GATAD2A: variants seen among roughly 807,000 people sequenced by gnomAD.
GATAD2A encodes the protein transcriptional repressor p66-alpha.
GATAD2A carries 12 observed loss-of-function variants against 68.5 expected under a neutral mutation model. The ratio of observed to expected loss-of-function variants is 0.18; its 90% CI spans 0.11 to 0.28. GATAD2A has a LOEUF of 0.28. Ranked by LOEUF, GATAD2A falls within the 10% of genes least tolerant of loss-of-function variation. GATAD2A has a pLI of 1.00. For synonymous variants in GATAD2A, 410 were observed against 375.3 expected, an observed-to-expected ratio of 1.09 and a Z score of -1.07; for missense variants, 755 against 868.5, an observed-to-expected ratio of 0.87 and a Z score of 1.64.
intron 1 of GATAD2A, among the ~76,000 whole-genome samples, chr19:19,416,622 A>T (rs2147196243): frequency 6.6e-6 from 1 of 152,310 alleles, no homozygotes; most frequent in African/African-American, 2.4e-5. Context: ...TTTAAGATGA[A>T]GGGAGCTGCT....
At chr19:19,475,306 C>T (rs895299023) in intron 2 of GATAD2A, among the ~76,000 whole-genome samples, 1 of 152,264 alleles carries the variant, frequency 6.6e-6, no homozygotes, top group Non-Finnish European at 1.5e-5. Context: ...ACACTGGCTG[C>T]CTCCTACAGC....
chr19:19,440,911 C>CCTTCCTTCCCTTTCCTTCCTTTT (rs775426491), intron 1 of GATAD2A, among the ~76,000 whole-genome samples: 2 of 138,544 alleles, frequency 1.4e-5, no homozygotes, highest in East Asian at 2.0e-4. Flanking sequence ...CCCTTCCTTT[C>CCTTCCTTCCCTTTCCTTCCTTTT]CTTCCTTCCC....
intron 1 of GATAD2A, among the ~76,000 whole-genome samples, chr19:19,444,512 A>T (rs559687198): frequency 1.3e-5 from 2 of 152,322 alleles, no homozygotes; most frequent in South Asian, 4.1e-4. Context: ...AAACTTAAGC[A>T]GGTATTTGGA....
chr19:19,432,141 A>G (rs773833727), intron 1 of GATAD2A, among the ~76,000 whole-genome samples: 1 of 151,386 alleles, frequency 6.6e-6, no homozygotes, highest in African/African-American at 2.4e-5. Flanking sequence ...ACGGTTGGCT[A>G]ATTTTGTATT....
rs1434407791 is a variant in GATAD2A at position 19,405,903 on chromosome 19, C to G, written c.-123C>G. 1 of 145,918 alleles carries G rather than the reference C, an allele frequency of 6.9e-6. No homozygotes were observed. Among genetic ancestry groups the G allele is most frequent in the African/African-American group, 2.5e-5 (1 of 40,636 alleles). The allele number at this position is 145,918 out of a possible 1,614,324, so 9.0% of individuals were successfully genotyped here. A position where few individuals can be genotyped will look rare whatever the true frequency, so the allele number is the denominator to read the frequency against. ...GGCCCGGGCGGCCCCACAGGCGGAACGAGCGCGCGCGGCCCGGCGTCCCCG... is the reference window on the plus strand; with the variant it reads ...GGCCCGGGCGGCCCCACAGGCGGAAGGAGCGCGCGCGGCCCGGCGTCCCCG... On this transcript the variant is annotated 5_prime_UTR_variant, in exon 1 of 12. Coordinates refer to ENST00000683918, the MANE Select transcript of GATAD2A (RefSeq NM_001384528.1).
intron 1 of GATAD2A, among the ~76,000 whole-genome samples, chr19:19,411,527 C>A (rs771349378): frequency 1.3e-5 from 2 of 152,172 alleles, no homozygotes; most frequent in Non-Finnish European, 2.9e-5. Context: ...CTGGGAGCGC[C>A]AGGGTGAATC....
Position 19,495,634 on chromosome 19 carries a change from T to TAAAA in GATAD2A, c.625-102_625-99dup, listed in dbSNP as rs3067692. On this transcript the variant is annotated intron_variant, in intron 5 of 11. Coordinates refer to ENST00000683918, the MANE Select transcript of GATAD2A (RefSeq NM_001384528.1). ...AATTTTCTTTAACTTCTCTGCTACT[T>TAAAA]AAAAAAAAAAAAAAAAAAAAACTAG... 8.5e-3 allele frequency: 4,623 copies of TAAAA among 544,498 alleles called. 4 individuals are homozygous for TAAAA. The highest frequency in any genetic ancestry group is 0.023 in the South Asian group (663 of 29,184). 33.7% of individuals were successfully genotyped at this position (544,498 alleles called of 1,614,324 possible). A position where few individuals can be genotyped will look rare whatever the true frequency, so the allele number is the denominator to read the frequency against.
At chr19:19,415,717 A>G (rs1351492140) in intron 1 of GATAD2A, among the ~76,000 whole-genome samples, 3 of 148,914 alleles carry the variant, frequency 2.0e-5, no homozygotes, top group Non-Finnish European at 3.0e-5. Context: ...TCCTCGGTTC[A>G]AGCAATTCTC....
chr19:19,394,976 T>C (rs888938209), intron 1 of GATAD2A, among the ~76,000 whole-genome samples: 23 of 152,272 alleles, frequency 1.5e-4, no homozygotes, highest in African/African-American at 5.3e-4. Flanking sequence ...ACCCAAGTTC[T>C]GACTCTGGAG....
At chr19:19,397,245 G>T (rs2049325757) in intron 1 of GATAD2A, among the ~76,000 whole-genome samples, 1 of 151,918 alleles carries the variant, frequency 6.6e-6, no homozygotes, top group Admixed American at 6.6e-5. Flanking sequence ...TTTAAATTGA[G>T]CTTTTATTTT....
intron 4 of GATAD2A, among the ~76,000 whole-genome samples, 153 bp downstream of exon 4, chr19:19,492,865 C>T (rs1211535110): frequency 6.6e-6 from 1 of 151,810 alleles, no homozygotes; most frequent in East Asian, 1.9e-4. Context: ...CTCCAGTGTG[C>T]ATTTTGGATT....
At chr19:19,406,808 A>G (rs2050332588) in intron 1 of GATAD2A, among the ~76,000 whole-genome samples, 1 of 152,178 alleles carries the variant, frequency 6.6e-6, no homozygotes, top group Non-Finnish European at 1.5e-5. Context: ...CCTGACGGAC[A>G]CTTGGATTGT....
chr19:19,495,655 A>AAAAC, intron 5 of GATAD2A, 99 bp from the exon 6 acceptor site: 1 of 1,048,272 alleles, frequency 9.5e-7, no homozygotes. Flanking sequence ...AAAAAAAAAA[A>AAAAC]CTAGTATGTA....
At chr19:19,432,121 A>G (rs2053822130) in intron 1 of GATAD2A, among the ~76,000 whole-genome samples, 1 of 152,058 alleles carries the variant, frequency 6.6e-6, no homozygotes, top group Non-Finnish European at 1.5e-5. Flanking sequence ...GATTACAAGC[A>G]TGTGCCACCA....
chr19:19,470,127 G>A (rs112121001), intron 2 of GATAD2A, among the ~76,000 whole-genome samples: 198 of 150,400 alleles, frequency 1.3e-3, no homozygotes, highest in African/African-American at 4.6e-3. Context: ...AATTACTAGA[G>A]CCAAACTGCG....
chr19:19,421,486 G>A (rs1181259626), intron 1 of GATAD2A, among the ~76,000 whole-genome samples: 2 of 152,164 alleles, frequency 1.3e-5, no homozygotes, highest in African/African-American at 4.8e-5. Context: ...TGGTTGACTT[G>A]GGACCCTGAC....
chr19:19,432,549 G>A (rs1400647849), intron 1 of GATAD2A, among the ~76,000 whole-genome samples: 1 of 152,136 alleles, frequency 6.6e-6, no homozygotes, highest in East Asian at 1.9e-4. Context: ...GATCCACCCC[G>A]CCTCAGCCTC....
At chr19:19,411,697 A>G (rs1362065703) in intron 1 of GATAD2A, among the ~76,000 whole-genome samples, 1 of 152,168 alleles carries the variant, frequency 6.6e-6, no homozygotes, top group Non-Finnish European at 1.5e-5. Context: ...TGGCGGAGAC[A>G]GCATCTTTGA....
chr19:19,496,704 C>T (rs893179746), intron 7 of GATAD2A, among the ~76,000 whole-genome samples: 2 of 152,222 alleles, frequency 1.3e-5, no homozygotes, highest in African/African-American at 2.4e-5. Flanking sequence ...AGCCGCACGT[C>T]CCTTCACCTC....
Sources: allele counts gnomAD v4.1 joint callset (sites outside exome capture counted in the v4.1 genomes callset), GRCh38; gene constraint gnomAD v4.1.1; transcripts MANE v1.5; gene names NCBI Gene and HGNC (gene_info 2026-07-23, HGNC 2026-07-21).